The following IL34 variants were observed in gnomAD, a reference collection of about 807,000 sequenced individuals.
IL34 encodes interleukin-34.
In IL34, 17 loss-of-function variants were observed where a neutral mutation model predicts 25.3. The observed-to-expected ratio is 0.67, with a 90% CI of 0.46 to 1.01. The LOEUF (loss-of-function observed/expected upper bound fraction) is 1.01. Ranked by LOEUF, IL34 falls within the 50% of genes least tolerant of loss-of-function variation. The probability of loss-of-function intolerance (pLI) is 0.00; values close to 1 mark genes in which losing one functional copy is unlikely to be tolerated. For missense variants in IL34, 368 were observed against 312.9 expected, an observed-to-expected ratio of 1.18 and a Z score of -1.33; for synonymous variants, 174 against 140.9, an observed-to-expected ratio of 1.23 and a Z score of -1.66.
intron 1 of IL34, among the ~76,000 whole-genome samples, chr16:70,590,409 G>T (rs1283615515): frequency 3.3e-5 from 5 of 152,228 alleles, no homozygotes; most frequent in African/African-American, 4.8e-5. Context: ...AGGTAAGGAG[G>T]TGCCTGTGCG....
intron 1 of IL34, among the ~76,000 whole-genome samples, chr16:70,591,047 T>G (rs1054526357): frequency 9.2e-5 from 14 of 152,234 alleles, no homozygotes; most frequent in African/African-American, 3.4e-4. Flanking sequence ...GACAGCACTG[T>G]GGGGACCATG....
chr16:70,585,834 CTTG>C (rs1340792972), intron 1 of IL34, among the ~76,000 whole-genome samples: 8 of 144,282 alleles, frequency 5.5e-5, no homozygotes, highest in African/African-American at 2.1e-4. Context: ...ATCCAGCCTC[CTTG>C]TTTTTTTTTT....
chr16:70,658,758 C>T (rs1348096363), intron 4 of IL34, among the ~76,000 whole-genome samples: 2 of 152,158 alleles, frequency 1.3e-5, no homozygotes, highest in Non-Finnish European at 2.9e-5. Context: ...GGTTGAACCA[C>T]CATTCCTGGC....
At chr16:70,620,491 G>T (rs1040865419) in intron 1 of IL34, among the ~76,000 whole-genome samples, 16 of 152,020 alleles carry the variant, frequency 1.1e-4, no homozygotes, top group Admixed American at 9.2e-4. Flanking sequence ...GAAGAATTGG[G>T]ACCTAGCTCA....
intron 1 of IL34, among the ~76,000 whole-genome samples, chr16:70,598,178 T>C (rs1174578946): frequency 6.6e-6 from 1 of 152,038 alleles, no homozygotes; most frequent in African/African-American, 2.4e-5. Flanking sequence ...TCTGAGATGC[T>C]TCTCCATCTT....
intron 1 of IL34, among the ~76,000 whole-genome samples, chr16:70,585,655 C>T (rs1369505069): frequency 2.0e-5 from 3 of 151,088 alleles, no homozygotes; most frequent in South Asian, 4.2e-4. Flanking sequence ...ACTCACTGTA[C>T]TCCAGCCTAG....
chr16:70,594,782 G>A (rs894446915), intron 1 of IL34, among the ~76,000 whole-genome samples: 20 of 152,098 alleles, frequency 1.3e-4, no homozygotes, highest in Non-Finnish European at 2.1e-4. Context: ...ACAGGTTTTG[G>A]AAGGGAGGGC....
intron 4 of IL34, among the ~76,000 whole-genome samples, chr16:70,657,958 A>G (rs2052276936): frequency 1.3e-5 from 2 of 152,160 alleles, no homozygotes; most frequent in South Asian, 2.1e-4. Context: ...AATTGATCTG[A>G]GGCCTCAGGG....
At chr16:70,620,564 G>C (rs555061008) in intron 1 of IL34, among the ~76,000 whole-genome samples, 1 of 152,138 alleles carries the variant, frequency 6.6e-6, no homozygotes, top group East Asian at 1.9e-4. Context: ...AAGACTCAGC[G>C]ACACTTGGGG....
At chr16:70,634,662 A>G (rs1408088829) in intron 1 of IL34, among the ~76,000 whole-genome samples, 1 of 151,738 alleles carries the variant, frequency 6.6e-6, no homozygotes, top group African/African-American at 2.4e-5. Context: ...CCTGGGCGAC[A>G]GAGCGAGATT....
intron 1 of IL34, among the ~76,000 whole-genome samples, chr16:70,581,064 A>C (rs2050631255): frequency 6.6e-6 from 1 of 151,756 alleles, no homozygotes. Context: ...GGCACCCGCT[A>C]CCACACCTGG....
chr16:70,622,551 TA>T (rs1211305376), intron 1 of IL34, among the ~76,000 whole-genome samples: 2 of 151,936 alleles, frequency 1.3e-5, no homozygotes, highest in Non-Finnish European at 2.9e-5. Flanking sequence ...CTGCCATCAA[TA>T]AATCAAGCGT....
chr16:70,607,281 T>C (rs963944237), intron 1 of IL34, among the ~76,000 whole-genome samples: 23 of 152,054 alleles, frequency 1.5e-4, no homozygotes, highest in Middle Eastern at 3.2e-3. Flanking sequence ...TTTTTGTATT[T>C]TTTTAGTAGA....
intron 1 of IL34, among the ~76,000 whole-genome samples, chr16:70,632,088 T>G (rs1597760224): frequency 7.4e-6 from 1 of 135,800 alleles, no homozygotes; most frequent in African/African-American, 2.8e-5. Flanking sequence ...GGTGATAGAG[T>G]GAGACCCTGT....
intron 1 of IL34, among the ~76,000 whole-genome samples, chr16:70,594,121 T>C (rs2050788127): frequency 1.3e-5 from 2 of 152,236 alleles, no homozygotes; most frequent in Middle Eastern, 3.2e-3. Context: ...TTTGCTACTC[T>C]GTGTAAACTT....
chr16:70,623,936 G>A (rs193106437), intron 1 of IL34, among the ~76,000 whole-genome samples: 1 of 143,502 alleles, frequency 7.0e-6, no homozygotes, highest in Non-Finnish European at 1.6e-5. Context: ...GTAATGTGGA[G>A]TGGGTAGCCT....
chr16:70,584,161 C>T (rs961412551), intron 1 of IL34, among the ~76,000 whole-genome samples: 1 of 152,212 alleles, frequency 6.6e-6, no homozygotes, highest in Non-Finnish European at 1.5e-5. Context: ...GAACTATGGC[C>T]TCCAGGTGTG....
chr16:70,654,200 G>T (rs1039984009), intron 1 of IL34: 4 of 211,036 alleles, frequency 1.9e-5, no homozygotes, highest in African/African-American at 4.6e-5. Context: ...CCGGACACCA[G>T]GGGCAGAGGC....
chr16:70,588,213 C>T (rs958679572), intron 1 of IL34, among the ~76,000 whole-genome samples: 6 of 151,914 alleles, frequency 3.9e-5, no homozygotes, highest in South Asian at 2.1e-4. Flanking sequence ...AGGCCGGGTG[C>T]GGTGGCTCAT....
Sources: gnomAD v4.1 joint callset for allele counts (sites outside exome capture counted in the v4.1 genomes callset) on GRCh38, gnomAD v4.1.1 for gene constraint, MANE v1.5 for transcripts, NCBI Gene and HGNC (gene_info 2026-07-23, HGNC 2026-07-21) for gene names.